Variants in FSTL5 observed in about 807,000 individuals in gnomAD.
The protein encoded by FSTL5 is follistatin like 5, also known as follistatin-related protein 5.
In FSTL5, 62 loss-of-function variants were observed where a neutral mutation model predicts 89.1. The ratio of observed to expected loss-of-function variants is 0.70; its 90% CI spans 0.57 to 0.86. The LOEUF is 0.86. Among genes scored for constraint, FSTL5 ranks in the 40% least tolerant of loss-of-function variants. The probability of loss-of-function intolerance (pLI) is 0.00; values close to 1 mark genes in which losing one functional copy is unlikely to be tolerated. For synonymous variants in FSTL5, 383 were observed against 346.2 expected, an observed-to-expected ratio of 1.11 and a Z score of -1.18; for missense variants, 1,057 against 1,001.6, an observed-to-expected ratio of 1.06 and a Z score of -0.75.
intron 7 of FSTL5, among the ~76,000 whole-genome samples, chr4:161,608,616 C>T (rs1310217735): frequency 6.6e-6 from 1 of 151,830 alleles, no homozygotes; most frequent in Non-Finnish European, 1.5e-5. Context: ...AAAATCATGA[C>T]TATGAATCTT....
At chr4:161,506,428 TTTTG>T (rs1316794576) in intron 11 of FSTL5, among the ~76,000 whole-genome samples, 7 of 152,076 alleles carry the variant, frequency 4.6e-5, no homozygotes, top group African/African-American at 1.7e-4. Flanking sequence ...TTTTTTTAAT[TTTTG>T]TTTATTTCCG....
chr4:161,546,605 C>T (rs983750719), intron 8 of FSTL5, among the ~76,000 whole-genome samples: 48 of 151,796 alleles, frequency 3.2e-4, no homozygotes, highest in Non-Finnish European at 5.6e-4. Context: ...TATGCCAACA[C>T]GTAACTTTAA....
intron 9 of FSTL5, among the ~76,000 whole-genome samples, chr4:161,541,168 A>G (rs1442735526): frequency 6.6e-6 from 1 of 152,066 alleles, no homozygotes; most frequent in Non-Finnish European, 1.5e-5. Flanking sequence ...TTATACCCCT[A>G]TGTGTGTAGA....
intron 4 of FSTL5, among the ~76,000 whole-genome samples, chr4:161,833,323 G>A (rs1013562901): frequency 2.0e-5 from 3 of 151,792 alleles, no homozygotes; most frequent in Non-Finnish European, 4.4e-5. Context: ...TTTTGGAATA[G>A]GTGTGGTGTG....
chr4:161,603,250 C>A (rs1734313750), intron 7 of FSTL5, among the ~76,000 whole-genome samples: 1 of 152,024 alleles, frequency 6.6e-6, no homozygotes, highest in African/African-American at 2.4e-5. Flanking sequence ...AATAGAGAGA[C>A]CCACACAATT....
chr4:161,961,045 A>C (rs1190358468), intron 3 of FSTL5, among the ~76,000 whole-genome samples: 2 of 151,996 alleles, frequency 1.3e-5, no homozygotes, highest in Non-Finnish European at 2.9e-5. Flanking sequence ...TATGCTTTAA[A>C]TTTGTTTTAT....
chr4:161,411,585 C>A (rs1316432136), intron 15 of FSTL5, among the ~76,000 whole-genome samples: 1 of 152,090 alleles, frequency 6.6e-6, no homozygotes, highest in Non-Finnish European at 1.5e-5. Context: ...AAGCAGAAAC[C>A]ATATGATCAG....
intron 2 of FSTL5, among the ~76,000 whole-genome samples, chr4:162,050,441 C>A (rs1378795960): frequency 6.7e-6 from 1 of 150,210 alleles, no homozygotes; most frequent in East Asian, 1.9e-4. Flanking sequence ...ACAAAAATAG[C>A]TTCAATATTA....
At chr4:162,122,810 G>A (rs559953119) in intron 1 of FSTL5, among the ~76,000 whole-genome samples, 5 of 152,138 alleles carry the variant, frequency 3.3e-5, no homozygotes, top group Admixed American at 6.5e-5. Flanking sequence ...TACTTTGTAC[G>A]TAAGCTACAC....
At chr4:161,523,212 A>G (rs115512819) in intron 10 of FSTL5, among the ~76,000 whole-genome samples, 1,690 of 152,294 alleles carry the variant, frequency 0.011, 27 homozygotes, top group African/African-American at 0.038. Flanking sequence ...AATGTTCTAT[A>G]AGTAAATTGA....
At chr4:161,828,464 T>C (rs1242715771) in intron 4 of FSTL5, among the ~76,000 whole-genome samples, 1 of 152,214 alleles carries the variant, frequency 6.6e-6, no homozygotes, top group Non-Finnish European at 1.5e-5. Context: ...AGCTGCAATT[T>C]AGTCCTGCCT....
chr4:162,117,779 T>G (rs1429197190), intron 1 of FSTL5, among the ~76,000 whole-genome samples: 3 of 152,184 alleles, frequency 2.0e-5, no homozygotes, highest in Non-Finnish European at 4.4e-5. Context: ...AGAACTATGT[T>G]AATCATTTCT....
chr4:162,078,975 A>G (rs1004355617), intron 2 of FSTL5, among the ~76,000 whole-genome samples: 1 of 151,746 alleles, frequency 6.6e-6, no homozygotes, highest in East Asian at 1.9e-4. Flanking sequence ...ATCAGTAACA[A>G]CAAGAAAACT....
intron 2 of FSTL5, among the ~76,000 whole-genome samples, chr4:162,104,488 T>C (rs1026484376): frequency 2.0e-5 from 3 of 152,266 alleles, no homozygotes; most frequent in South Asian, 2.1e-4. Context: ...TGTAACACTA[T>C]AATAAAGAGA....
At chr4:161,519,443 C>T (rs976125103) in intron 10 of FSTL5, among the ~76,000 whole-genome samples, 1 of 151,986 alleles carries the variant, frequency 6.6e-6, no homozygotes, top group African/African-American at 2.4e-5. Context: ...GGAGAATGGC[C>T]TGAACCCGGG....
intron 13 of FSTL5, among the ~76,000 whole-genome samples, chr4:161,480,306 T>C (rs1211439635): frequency 6.6e-6 from 1 of 152,168 alleles, no homozygotes; most frequent in Admixed American, 6.5e-5. Context: ...ATAAAGCTAG[T>C]TAACTTAATT....
At chr4:161,944,469 A>C (rs561898780) in intron 3 of FSTL5, among the ~76,000 whole-genome samples, 1 of 152,208 alleles carries the variant, frequency 6.6e-6, no homozygotes, top group Non-Finnish European at 1.5e-5. Context: ...AGTGTAATTG[A>C]GTAACTGTTG....
At chr4:161,768,421 A>G (rs1741092006) in intron 5 of FSTL5, among the ~76,000 whole-genome samples, 1 of 152,010 alleles carries the variant, frequency 6.6e-6, no homozygotes, top group Non-Finnish European at 1.5e-5. Flanking sequence ...TGTTTTGCAT[A>G]ATAAGGAATT....
chr4:162,077,702 T>C (rs991690589), intron 2 of FSTL5, among the ~76,000 whole-genome samples: 2 of 151,862 alleles, frequency 1.3e-5, no homozygotes, highest in Non-Finnish European at 2.9e-5. Flanking sequence ...GATTAGACCA[T>C]AGTTATCAAT....
Sources: allele counts gnomAD v4.1 joint callset (sites outside exome capture counted in the v4.1 genomes callset), GRCh38; gene constraint gnomAD v4.1.1; transcripts MANE v1.5; gene names NCBI Gene and HGNC (gene_info 2026-07-23, HGNC 2026-07-21).